The following ATXN1 variants were observed in gnomAD, a reference collection of about 807,000 sequenced individuals.
ATXN1 encodes ataxin 1.
ATXN1 carries 8 observed loss-of-function variants against 56.4 expected under a neutral mutation model. That is an observed-to-expected ratio of 0.14 (90% CI 0.08 to 0.26). The LOEUF (loss-of-function observed/expected upper bound fraction) is 0.26. Among genes scored for constraint, ATXN1 ranks in the 10% least tolerant of loss-of-function variants. ATXN1 has a pLI of 1.00. For missense variants in ATXN1, 987 were observed against 1,106.5 expected (o/e 0.89, Z 1.53); for synonymous variants, 514 against 494.6 (o/e 1.04, Z -0.52).
At chr6:16,658,674 C>T (rs934322693) in intron 2 of ATXN1, among the ~76,000 whole-genome samples, 1 of 152,216 alleles carries the variant, frequency 6.6e-6, no homozygotes, top group African/African-American at 2.4e-5. Flanking sequence ...AAAGCATCTT[C>T]TGATGCTTAG....
chr6:16,600,430 CACTG>C (rs750998843), intron 3 of ATXN1, among the ~76,000 whole-genome samples: 4 of 152,302 alleles, frequency 2.6e-5, no homozygotes, highest in African/African-American at 9.6e-5. Flanking sequence ...TATGCAAAAA[CACTG>C]ACTGAATGTT....
intron 7 of ATXN1, among the ~76,000 whole-genome samples, chr6:16,314,385 G>A (rs1370387419): frequency 6.6e-6 from 1 of 152,154 alleles, no homozygotes; most frequent in Non-Finnish European, 1.5e-5. Context: ...GTTTCTCAGT[G>A]AGAATATATA....
At chr6:16,684,376 G>A (rs1758874638) in intron 2 of ATXN1, among the ~76,000 whole-genome samples, 1 of 152,142 alleles carries the variant, frequency 6.6e-6, no homozygotes, top group Non-Finnish European at 1.5e-5. Context: ...TAGTGGTCCT[G>A]TGAACTGACA....
In ATXN1 at chr6:16,326,645, C is replaced by T. The variant is rs559789847; in HGVS notation, c.1666G>A (p.Val556Met). The T allele has an allele frequency of 4.9e-5, 79 of 1,613,774 alleles. No individual in the cohort carries two copies. In the South Asian group the frequency reaches 8.6e-4, roughly 17 times the overall value. ...GCCGGGGAGGCCACGGACTGCACCACAGGCAGGTGGATCTGGGCCTGCACC... is the reference window on the plus strand; with the variant it reads ...GCCGGGGAGGCCACGGACTGCACCATAGGCAGGTGGATCTGGGCCTGCACC... Reference protein sequence around the residue: ...AMVQAQIHLPVVQSVASPAAA... With the variant: ...AMVQAQIHLPMVQSVASPAAA... Residue 556 changes from valine (V) to methionine (M), a missense_variant, in exon 7 of 8, where the codon GTG becomes ATG. Val to Met is a conservative substitution (Grantham distance 21, BLOSUM62 1). This residue lies in a region of ATXN1 where 723 missense variants were observed against 791.7 expected (regional missense o/e 0.91). Transcript: ENST00000436367. This position sits in a 1 kb window ranked among gnomAD's most constrained non-coding sequence, Gnocchi z 6.6.
chr6:16,472,711 G>C (rs528840165), intron 6 of ATXN1, among the ~76,000 whole-genome samples: 1 of 152,274 alleles, frequency 6.6e-6, no homozygotes, highest in Admixed American at 6.5e-5. Flanking sequence ...ATGCCTGCAG[G>C]CTCCGAGCAT....
chr6:16,478,097 C>G (rs1035670443), intron 6 of ATXN1, among the ~76,000 whole-genome samples: 1 of 152,180 alleles, frequency 6.6e-6, no homozygotes, highest in African/African-American at 2.4e-5. Flanking sequence ...GGGCTAGGAA[C>G]CTGGATTATA....
chr6:16,680,923 C>T (rs749396029), intron 2 of ATXN1, among the ~76,000 whole-genome samples: 2 of 152,106 alleles, frequency 1.3e-5, no homozygotes, highest in South Asian at 2.1e-4. Flanking sequence ...ATTACATCTA[C>T]GAGAGGTTAG....
At chr6:16,342,940 TG>T (rs1489880141) in intron 6 of ATXN1, among the ~76,000 whole-genome samples, 1 of 152,194 alleles carries the variant, frequency 6.6e-6, no homozygotes, top group Non-Finnish European at 1.5e-5. Context: ...TGGAGACAGA[TG>T]GTGGTGATGG....
intron 6 of ATXN1, among the ~76,000 whole-genome samples, chr6:16,345,481 TAGGA>T (rs559081511): frequency 7.5e-4 from 114 of 152,314 alleles, no homozygotes; most frequent in Non-Finnish European, 1.2e-4. Context: ...AAATCAATCG[TAGGA>T]AGGACAAGGA....
chr6:16,646,457 T>C (rs1416270167), intron 3 of ATXN1, among the ~76,000 whole-genome samples: 1 of 152,230 alleles, frequency 6.6e-6, no homozygotes, highest in East Asian at 1.9e-4. Context: ...ATCTGATATA[T>C]GGCACCACTC....
At position 16,303,152 on chromosome 6, in the gene ATXN1, G is replaced by C. The variant is rs1479622041; in HGVS notation, c.*3177C>G. On this transcript the variant is annotated 3_prime_UTR_variant, in exon 8 of 8. Coordinates refer to ENST00000436367, the MANE Select transcript of ATXN1 (RefSeq NM_001128164.2). The surrounding 1 kb of genome is among the most constrained non-coding windows in gnomAD (Gnocchi z 4.3). ...CTCAAGGACACAGACCCCGAGGAGG[G>C]GCCTGCCCACTTGCAGAAAAGACCG... 2 of 152,890 alleles carry C rather than the reference G, an allele frequency of 1.3e-5. No homozygotes were observed. The highest frequency in any genetic ancestry group is 6.5e-5 in the Admixed American group (1 of 15,280). The allele number at this position is 152,890 out of a possible 1,614,324, so 9.5% of individuals were successfully genotyped here.
At chr6:16,406,272 A>G (rs1758684204) in intron 6 of ATXN1, among the ~76,000 whole-genome samples, 1 of 152,260 alleles carries the variant, frequency 6.6e-6, no homozygotes, top group Non-Finnish European at 1.5e-5. Flanking sequence ...AATCATACCA[A>G]GGAGAACCCA....
At chr6:16,526,064 T>TATATATATATATACAC (rs370698828) in intron 4 of ATXN1, among the ~76,000 whole-genome samples, 9,202 of 132,236 alleles carry the variant, frequency 0.07, 372 homozygotes, top group Non-Finnish European at 0.081. Context: ...TATATATATA[T>TATATATATATATACAC]ACATACATAC....
At chr6:16,348,274 A>C (rs1761480390) in intron 6 of ATXN1, among the ~76,000 whole-genome samples, 1 of 152,160 alleles carries the variant, frequency 6.6e-6, no homozygotes, top group Admixed American at 6.5e-5. Context: ...CACGCTGTGC[A>C]GGCTGGTCTC....
intron 2 of ATXN1, among the ~76,000 whole-genome samples, chr6:16,728,328 C>T (rs73725223): frequency 0.043 from 6,582 of 152,182 alleles, 490 homozygotes; most frequent in African/African-American, 0.15. Flanking sequence ...ACTTTCCGTC[C>T]CGGAGAAGTG....
At chr6:16,697,294 A>C (rs973849593) in intron 2 of ATXN1, among the ~76,000 whole-genome samples, 9 of 152,236 alleles carry the variant, frequency 5.9e-5, no homozygotes, top group Non-Finnish European at 1.2e-4. Context: ...TTTTGCCACC[A>C]AACTTATAAT....
intron 7 of ATXN1, among the ~76,000 whole-genome samples, chr6:16,321,454 T>C (rs1482793978): frequency 6.6e-6 from 1 of 152,180 alleles, no homozygotes; most frequent in Non-Finnish European, 1.5e-5. Context: ...AGGCTTCCTT[T>C]GGTGCACGCA....
At chr6:16,490,903 C>T (rs368546860) in intron 5 of ATXN1, among the ~76,000 whole-genome samples, 1 of 152,132 alleles carries the variant, frequency 6.6e-6, no homozygotes, top group Admixed American at 6.5e-5. Context: ...GCAACACACT[C>T]TTTCCTAGTG....
chr6:16,568,294 G>T (rs1762266171), intron 4 of ATXN1, among the ~76,000 whole-genome samples: 1 of 151,940 alleles, frequency 6.6e-6, no homozygotes, highest in Non-Finnish European at 1.5e-5. Flanking sequence ...TAAATTTTAA[G>T]AGAGAGGCTA....
Sources: gnomAD v4.1 joint callset for allele counts (sites outside exome capture counted in the v4.1 genomes callset) on GRCh38, gnomAD v4.1.1 for gene constraint, gnomAD v4.1.1 regional missense constraint, Gnocchi (gnomAD v3.1) non-coding constraint, MANE v1.5 for transcripts, NCBI Gene and HGNC (gene_info 2026-07-23, HGNC 2026-07-21) for gene names.